The following SLC6A15 variants were observed in gnomAD, a reference collection of about 807,000 sequenced individuals.
The protein encoded by SLC6A15 is solute carrier family 6 member 15.
SLC6A15 carries 33 observed loss-of-function variants against 68.5 expected under a neutral mutation model. The ratio of observed to expected loss-of-function variants is 0.48; its 90% CI spans 0.37 to 0.64. The LOEUF is 0.64. Among genes scored for constraint, SLC6A15 ranks in the 30% least tolerant of loss-of-function variants. The pLI is 0.00. For synonymous variants in SLC6A15, 347 were observed against 301.0 expected, an observed-to-expected ratio of 1.15 and a Z score of -1.58; for missense variants, 747 against 874.3, an observed-to-expected ratio of 0.85 and a Z score of 1.84.
At chr12:84,866,470 C>A (rs1254306141) in intron 10 of SLC6A15, among the ~76,000 whole-genome samples, 2 of 152,128 alleles carry the variant, frequency 1.3e-5, no homozygotes, top group African/African-American at 4.8e-5. Flanking sequence ...TTCTGTGCAG[C>A]AAATGACATA....
chr12:84,902,983 G>A (rs1872955382), intron 1 of SLC6A15, among the ~76,000 whole-genome samples: 1 of 151,868 alleles, frequency 6.6e-6, no homozygotes, highest in Non-Finnish European at 1.5e-5. Flanking sequence ...CTATAAACGT[G>A]GACATACTAT....
Position 84,869,419 on chromosome 12 carries a change from A to G in SLC6A15, c.1495+1059T>C, listed in dbSNP as rs942427785. On this transcript the variant is annotated intron_variant, in intron 9 of 11. Transcript: ENST00000266682. ...GGAGCTTGCAGTGAGCTGAGATCGC[A>G]CTACTGCTGCACTCCAGCCTGGGCG... is the stretch of plus-strand genomic sequence containing the variant. 2.0e-4 allele frequency among the ~76,000 whole-genome samples: 28 copies of G among 141,070 alleles called. 2 individuals carry two copies. Among genetic ancestry groups the G allele is most frequent in the Admixed American group, 7.7e-4 (10 of 12,938 alleles). The allele number at this position is 141,070 out of a possible 152,430, so 92.5% of individuals were successfully genotyped here.
At chr12:84,901,552 A>G (rs978032117) in intron 1 of SLC6A15, among the ~76,000 whole-genome samples, 5 of 151,840 alleles carry the variant, frequency 3.3e-5, no homozygotes, top group Non-Finnish European at 7.4e-5. Context: ...ACTTTCTGCC[A>G]TTCTTGTTCC....
intron 2 of SLC6A15, among the ~76,000 whole-genome samples, chr12:84,890,785 G>T (rs111468379): frequency 2.4e-3 from 365 of 152,180 alleles, no homozygotes; most frequent in African/African-American, 7.7e-3. Context: ...AGGGTTTGTA[G>T]ATTACAACCA....
At chr12:84,910,771 G>C (rs1324853485) in intron 1 of SLC6A15, among the ~76,000 whole-genome samples, 1 of 152,128 alleles carries the variant, frequency 6.6e-6, no homozygotes, top group East Asian at 1.9e-4. Flanking sequence ...ATATCCCGCG[G>C]AGCAGCAAGC....
intron 10 of SLC6A15, 49 bp downstream of exon 10, chr12:84,866,984 GT>G (rs745370574): frequency 7.4e-7 from 1 of 1,356,056 alleles, no homozygotes; most frequent in South Asian, 1.7e-5. Flanking sequence ...GATAATTGAT[GT>G]TTTCAAACTA....
chr12:84,869,802 A>AT (rs1317760963), intron 9 of SLC6A15, among the ~76,000 whole-genome samples: 1 of 152,170 alleles, frequency 6.6e-6, no homozygotes, highest in Non-Finnish European at 1.5e-5. Flanking sequence ...TGTAAGTCTT[A>AT]TCTATGCAAT....
At chr12:84,870,158 CACAA>C (rs1871222960) in intron 9 of SLC6A15, among the ~76,000 whole-genome samples, 1 of 151,414 alleles carries the variant, frequency 6.6e-6, no homozygotes, top group Non-Finnish European at 1.5e-5. Context: ...AAAAATTATA[CACAA>C]ACAGTCCATG....
intron 9 of SLC6A15, among the ~76,000 whole-genome samples, chr12:84,869,287 G>A (rs977581775): frequency 2.6e-5 from 4 of 151,710 alleles, no homozygotes; most frequent in Admixed American, 6.6e-5. Flanking sequence ...GTGAAACCCC[G>A]TCTCTATTAA....
intron 1 of SLC6A15, among the ~76,000 whole-genome samples, chr12:84,895,792 A>G (rs187470944): frequency 1.5e-3 from 229 of 152,304 alleles, no homozygotes; most frequent in African/African-American, 5.1e-3. Context: ...AATAATTTAG[A>G]AGCCAGATCA....
chr12:84,881,479 G>A (rs1871817881), intron 5 of SLC6A15: 4 of 985,348 alleles, frequency 4.1e-6, no homozygotes, highest in Non-Finnish European at 4.8e-6. Flanking sequence ...GAAAATACAA[G>A]ATTTCAGTAA....
chr12:84,900,623 T>C (rs1213163700), intron 1 of SLC6A15, among the ~76,000 whole-genome samples: 1 of 151,810 alleles, frequency 6.6e-6, no homozygotes, highest in Non-Finnish European at 1.5e-5. Context: ...AGTTACTTTA[T>C]ATTCCTAGTT....
At chr12:84,908,601 C>CATATATATATATATATATATATATAT (rs3084056) in intron 1 of SLC6A15, among the ~76,000 whole-genome samples, 6 of 140,504 alleles carry the variant, frequency 4.3e-5, no homozygotes, top group African/African-American at 1.3e-4. Context: ...AGTAAAGAAA[C>CATATATATATATATATATATATATAT]ATATATATAT....
At chr12:84,868,094 G>A (rs1336560734) in intron 9 of SLC6A15, among the ~76,000 whole-genome samples, 1 of 152,034 alleles carries the variant, frequency 6.6e-6, no homozygotes, top group Non-Finnish European at 1.5e-5. Context: ...AGACATCCAC[G>A]GAGTCAATCA....
chr12:84,888,664 G>A (rs1045132586), intron 2 of SLC6A15, among the ~76,000 whole-genome samples: 6 of 152,100 alleles, frequency 3.9e-5, no homozygotes, highest in African/African-American at 1.4e-4. Context: ...TATGTACAAT[G>A]TATGCTACTT....
At chr12:84,885,649 T>A (rs972894604) in intron 3 of SLC6A15, 88 bp from the exon 4 acceptor site, 2 of 1,328,326 alleles carry the variant, frequency 1.5e-6, no homozygotes, top group African/African-American at 3.0e-5. Flanking sequence ...TATTTAACAT[T>A]TTAAAATCCT....
At chr12:84,891,386 A>T (rs553956749) in intron 2 of SLC6A15, among the ~76,000 whole-genome samples, 2 of 152,294 alleles carry the variant, frequency 1.3e-5, no homozygotes, top group Non-Finnish European at 2.9e-5. Flanking sequence ...TAAGTTACAT[A>T]TCATTTTGTA....
rs1472754900 is a variant in SLC6A15 at position 84,861,350 on chromosome 12, T to G, written c.*282A>C. The G allele has an allele frequency of 1.8e-5, 5 of 275,212 alleles. No homozygotes were observed. The highest frequency in any genetic ancestry group is 1.3e-4 in the East Asian group (2 of 15,808). 17.0% of individuals were successfully genotyped at this position (275,212 alleles called of 1,614,324 possible). ...GAGGTAATACCATTTTTTTAAGAGA[T>G]AGAAATATTTGAAAATACACCAAAG... On this transcript the variant is annotated 3_prime_UTR_variant, in exon 12 of 12. Transcript: ENST00000266682.
At position 84,873,088 on chromosome 12, in the gene SLC6A15, G is replaced by T; in HGVS notation, c.1108C>A (p.Gln370Lys). 1 of 1,613,934 alleles carries T rather than the reference G, an allele frequency of 6.2e-7. No homozygotes were observed. Among genetic ancestry groups the T allele is most frequent in the South Asian group, 1.1e-5 (1 of 91,004 alleles). ...ANVINEKCIT[Q>K]NSETIMKFLK... ...GCAAATGGAAATTAATATTCATACTGTGTAATGCATTTCTCATTTATGACA... is the reference window on the plus strand; with the variant it reads ...GCAAATGGAAATTAATATTCATACTTTGTAATGCATTTCTCATTTATGACA... The change falls in exon 7 of 12, where the codon CAA becomes AAA. Residue 370 changes from glutamine to lysine, a missense_variant and splice_region_variant. By Grantham distance (53) the Gln-to-Lys change is moderately conservative. Transcript: ENST00000266682.
Sources: allele counts gnomAD v4.1 joint callset (sites outside exome capture counted in the v4.1 genomes callset), GRCh38; gene constraint gnomAD v4.1.1; transcripts MANE v1.5; gene names NCBI Gene and HGNC (gene_info 2026-07-23, HGNC 2026-07-21).